ZBTB10: variants seen among roughly 807,000 people sequenced by gnomAD.
ZBTB10 encodes zinc finger and BTB domain containing 10.
In ZBTB10, 32 loss-of-function variants were observed where a neutral mutation model predicts 76.4. The observed-to-expected ratio is 0.42, with a 90% confidence interval of 0.32 to 0.56. The LOEUF is 0.56. ZBTB10 is among the 20% of genes least tolerant of loss of function. The pLI, the probability that ZBTB10 is intolerant of heterozygous loss-of-function variation, is 0.14. For synonymous variants in ZBTB10, 523 were observed against 432.9 expected (o/e 1.21, Z -2.58); for missense variants, 1,057 against 1,098.5 (o/e 0.96, Z 0.53).
intron 1 of ZBTB10, among the ~76,000 whole-genome samples, chr8:80,497,714 G>T (rs1207802940): frequency 7.7e-6 from 1 of 129,536 alleles, no homozygotes; most frequent in East Asian, 2.2e-4. Flanking sequence ...TTTGAGACAG[G>T]TCTCAGTCTG....
chr8:80,511,291 G>T (rs1443417491), intron 2 of ZBTB10, among the ~76,000 whole-genome samples: 1 of 152,172 alleles, frequency 6.6e-6, no homozygotes, highest in Non-Finnish European at 1.5e-5. Context: ...GCTAGGGTAG[G>T]AGATAGGAAA....
chr8:80,503,346 C>T (rs1187819002), intron 2 of ZBTB10, among the ~76,000 whole-genome samples: 1 of 152,112 alleles, frequency 6.6e-6, no homozygotes, highest in Non-Finnish European at 1.5e-5. Flanking sequence ...GATAGATGGT[C>T]TTAGCCTCAG....
At chr8:80,502,524 G>A (rs74432774) in intron 2 of ZBTB10, among the ~76,000 whole-genome samples, 16 of 152,060 alleles carry the variant, frequency 1.1e-4, no homozygotes, top group Non-Finnish European at 1.3e-4. Flanking sequence ...GTGAGCCACC[G>A]TGCCCAGCCG....
intron 1 of ZBTB10, among the ~76,000 whole-genome samples, chr8:80,493,202 C>CGT (rs1554551228): frequency 1.7e-5 from 2 of 119,374 alleles, no homozygotes; most frequent in African/African-American, 3.5e-5. Flanking sequence ...AACGCGCGCG[C>CGT]GCGCGCACAC....
chr8:80,498,920 C>G (rs1043825282), intron 1 of ZBTB10, among the ~76,000 whole-genome samples: 3 of 152,128 alleles, frequency 2.0e-5, no homozygotes, highest in African/African-American at 7.2e-5. Flanking sequence ...CTAGATATTC[C>G]TATAGTTGAA....
chr8:80,503,317 T>C (rs1455408871), intron 2 of ZBTB10, among the ~76,000 whole-genome samples: 2 of 152,168 alleles, frequency 1.3e-5, no homozygotes, highest in African/African-American at 4.8e-5. Context: ...CGGTGCTGTG[T>C]ACTTTCTACC....
rs1241378441 is a variant in ZBTB10, at chr8:80,500,244, A to G, written c.1723A>G (p.Arg575Gly). ...SQGIQETGKT[R>G]RKNQTTKRFI... is the part of the protein sequence containing the mutation. ...GGGAATTCAAGAGACTGGCAAAACA[A>G]GGAGGAAAAACCAAACTACAAAAAG... Residue 575 changes from arginine to glycine, a missense_variant, in exon 2 of 6, where the codon AGG becomes GGG. Arg to Gly is a moderately radical substitution (Grantham distance 125). This residue lies in a region of ZBTB10 where 306 missense variants were observed against 297.5 expected (regional missense o/e 1.03). Coordinates refer to ENST00000455036, the MANE Select transcript of ZBTB10 (RefSeq NM_001105539.3). The G allele has an allele frequency of 6.3e-7, 1 of 1,589,914 alleles. No homozygotes were observed. The highest frequency in any genetic ancestry group is 8.6e-7 in the Non-Finnish European group (1 of 1,167,336).
At chr8:80,515,441 G>A (rs947534099) in intron 3 of ZBTB10, among the ~76,000 whole-genome samples, 1 of 152,148 alleles carries the variant, frequency 6.6e-6, no homozygotes, top group African/African-American at 2.4e-5. Context: ...CCTTAAGGTG[G>A]TTTCCCCTGA....
chr8:80,515,502 C>G (rs1816304122), intron 3 of ZBTB10, among the ~76,000 whole-genome samples: 1 of 152,140 alleles, frequency 6.6e-6, no homozygotes. Flanking sequence ...GTTTGTACGT[C>G]AGATGTCTTG....
Position 80,519,529 on chromosome 8 carries a change from C to T in ZBTB10, c.*1C>T. Reference sequence around the variant, plus strand: ...AGTTTGTATGTCTCTAGATGATTAACTGACCTACTATACTCCTCAAGGATG... The same window carrying T: ...AGTTTGTATGTCTCTAGATGATTAATTGACCTACTATACTCCTCAAGGATG... On this transcript the variant is annotated 3_prime_UTR_variant, in exon 6 of 6. Coordinates refer to ENST00000455036, the MANE Select transcript of ZBTB10 (RefSeq NM_001105539.3). 6.2e-7 allele frequency: 1 copy of T among 1,605,374 alleles called. No individual in the cohort carries two copies. The highest frequency in any genetic ancestry group is 8.5e-7 in the Non-Finnish European group (1 of 1,175,710).
At chr8:80,515,848 TA>T (rs1816313285) in intron 3 of ZBTB10, among the ~76,000 whole-genome samples, 1 of 152,224 alleles carries the variant, frequency 6.6e-6, no homozygotes, top group Non-Finnish European at 1.5e-5. Context: ...TGAAGAGATC[TA>T]TAATGACCTT....
In ZBTB10 at chr8:80,499,634, C is replaced by T. The variant is rs750919826; in HGVS notation, c.1113C>T (p.Ser371=). Reference sequence around the variant, plus strand: ...TTTGTGATGTCAGCATTGTGGTAAGCGGAAAAATCTTCAAAGCTCATAAGA... The same window carrying T: ...TTTGTGATGTCAGCATTGTGGTAAGTGGAAAAATCTTCAAAGCTCATAAGA... The part of the protein sequence containing the change: ...GILCDVSIVV[S]GKIFKAHKNI... Residue 371 remains serine, a synonymous_variant, in exon 2 of 6, where the codon AGC becomes AGT. Transcript: ENST00000455036. 9 of 1,613,762 alleles carry T rather than the reference C, an allele frequency of 5.6e-6. No individual in the cohort carries two copies. In the African/African-American group the frequency reaches 8.0e-5, roughly 14 times the overall value.
chr8:80,510,627 T>C (rs574920331), intron 2 of ZBTB10, among the ~76,000 whole-genome samples: 2 of 146,888 alleles, frequency 1.4e-5, no homozygotes, highest in Non-Finnish European at 3.0e-5. Flanking sequence ...ATAGCCGTCA[T>C]TTTGTGAAAC....
In ZBTB10 at chr8:80,525,327, T is replaced by C. The variant is rs1816540570; in HGVS notation, c.*5799T>C. On this transcript the variant is annotated 3_prime_UTR_variant, in exon 6 of 6. Transcript: ENST00000455036. ...AGCTAATTAAAGTGAATGAAAAATATTACAGATTCCATAACTGCATGGCGC... is the reference window on the plus strand; with the variant it reads ...AGCTAATTAAAGTGAATGAAAAATACTACAGATTCCATAACTGCATGGCGC... 6.6e-6 allele frequency: 1 copy of C among 152,098 alleles called. No individual in the cohort carries two copies. 9.4% of individuals were successfully genotyped at this position (152,098 alleles called of 1,614,324 possible).
chr8:80,514,063 C>G, intron 3 of ZBTB10, 55 bp downstream of exon 3: 1 of 1,475,222 alleles, frequency 6.8e-7, no homozygotes, highest in Non-Finnish European at 9.4e-7. Context: ...AGTGTTACAT[C>G]TTACCTGCAG....
chr8:80,523,844 C>T lies in ZBTB10; in HGVS notation c.*4316C>T, dbSNP rs1379036094. On this transcript the variant is annotated 3_prime_UTR_variant, in exon 6 of 6. Coordinates refer to ENST00000455036, the MANE Select transcript of ZBTB10 (RefSeq NM_001105539.3). The stretch of plus-strand genomic sequence containing the variant: ...AGTGGGAGCATTGGCATTTTGAACA[C>T]TGTAAACAAAAGAACACTTCCGCCT... 6.6e-6 allele frequency: 1 copy of T among 151,950 alleles called. No individual in the cohort carries two copies. The highest frequency in any genetic ancestry group is 2.4e-5 in the African/African-American group (1 of 41,424). 9.4% of individuals were successfully genotyped at this position (151,950 alleles called of 1,614,324 possible). A position where few individuals can be genotyped will look rare whatever the true frequency, so the allele number is the denominator to read the frequency against.
intron 1 of ZBTB10, among the ~76,000 whole-genome samples, chr8:80,494,346 A>T (rs781651949): frequency 1.3e-5 from 2 of 152,108 alleles, no homozygotes; most frequent in African/African-American, 4.8e-5. Context: ...TTGACTTTCT[A>T]TTACTTGTAA....
In ZBTB10 at chr8:80,486,736, C is replaced by T. The variant is rs1299614675; in HGVS notation, c.-75C>T. Reference sequence around the variant, plus strand: ...CGGGGGCGAGACAGAGGGGGAGCCGCGGGGAGCGCGCGGGACGCGGCCCGA... The same window carrying T: ...CGGGGGCGAGACAGAGGGGGAGCCGTGGGGAGCGCGCGGGACGCGGCCCGA... On this transcript the variant is annotated 5_prime_UTR_variant, in exon 1 of 6. Transcript: ENST00000455036. The T allele has an allele frequency of 4.9e-6, 5 of 1,014,350 alleles. No individual in the cohort carries two copies. Among genetic ancestry groups the T allele is most frequent in the Non-Finnish European group, 5.9e-6 (5 of 849,850 alleles). The allele number at this position is 1,014,350 out of a possible 1,614,324, so 62.8% of individuals were successfully genotyped here.
At position 80,519,426 on chromosome 8, in the gene ZBTB10, A is replaced by C; in HGVS notation, c.2514A>C (p.Glu838Asp). The change falls in exon 6 of 6, where the codon GAA becomes GAC. Residue 838 changes from glutamate to aspartate, a missense_variant. Physicochemically the swap from Glu to Asp is conservative, Grantham distance 45. Around this residue, in one of 5 missense-constraint regions of ZBTB10, gnomAD observed 55 missense variants for 65.5 expected, o/e 0.84. Coordinates refer to ENST00000455036, the MANE Select transcript of ZBTB10 (RefSeq NM_001105539.3). ...FPRDEEYEEN[E>D]VGEADEELVD... Reference sequence around the variant, plus strand: ...GGGATGAAGAATACGAGGAGAATGAAGTAGGAGAAGCTGATGAAGAGCTAG... The same window carrying C: ...GGGATGAAGAATACGAGGAGAATGACGTAGGAGAAGCTGATGAAGAGCTAG... The C allele has an allele frequency of 1.2e-6, 2 of 1,612,688 alleles. No homozygotes were observed. Among genetic ancestry groups the C allele is most frequent in the Non-Finnish European group, 1.7e-6 (2 of 1,179,396 alleles).
Sources: gnomAD v4.1 joint callset for allele counts (sites outside exome capture counted in the v4.1 genomes callset) on GRCh38, gnomAD v4.1.1 for gene constraint, gnomAD v4.1.1 regional missense constraint, MANE v1.5 for transcripts, NCBI Gene and HGNC (gene_info 2026-07-23, HGNC 2026-07-21) for gene names.